Variants in ROBO1 observed in about 807,000 individuals in gnomAD.
ROBO1 encodes roundabout guidance receptor 1.
Under a neutral mutation model 195.9 loss-of-function variants are expected in ROBO1, and 149 were observed. The ratio of observed to expected loss-of-function variants is 0.76; its 90% CI spans 0.67 to 0.87. The LOEUF is 0.87. ROBO1 is among the 40% of genes least tolerant of loss of function. The pLI, the probability that ROBO1 is intolerant of heterozygous loss-of-function variation, is 0.00. For synonymous variants in ROBO1, 816 were observed against 733.2 expected, an observed-to-expected ratio of 1.11 and a Z score of -1.82; for missense variants, 1,933 against 2,068.3, an observed-to-expected ratio of 0.93 and a Z score of 1.27.
chr3:78,819,915 A>G (rs1281258304), intron 4 of ROBO1, among the ~76,000 whole-genome samples: 1 of 152,210 alleles, frequency 6.6e-6, no homozygotes, highest in African/African-American at 2.4e-5. Flanking sequence ...TGAGGGAAAA[A>G]TGACTCCATT....
chr3:78,966,542 C>G (rs998444887), intron 3 of ROBO1, among the ~76,000 whole-genome samples: 2 of 152,170 alleles, frequency 1.3e-5, no homozygotes, highest in African/African-American at 2.4e-5. Context: ...TTCCAAGGCA[C>G]ATTAAAGTTT....
chr3:78,898,480 T>C (rs1012159380), intron 4 of ROBO1, among the ~76,000 whole-genome samples: 3 of 145,462 alleles, frequency 2.1e-5, no homozygotes, highest in African/African-American at 7.6e-5. Flanking sequence ...CTCCGTCTCC[T>C]GGGTTCACGC....
intron 2 of ROBO1, among the ~76,000 whole-genome samples, chr3:79,567,479 C>T (rs566225022): frequency 3.9e-5 from 6 of 152,270 alleles, no homozygotes; most frequent in African/African-American, 9.6e-5. Flanking sequence ...TGTTACTCAA[C>T]AGAAGCTGAA....
intron 1 of ROBO1, among the ~76,000 whole-genome samples, chr3:79,685,263 C>G (rs1367627182): frequency 6.6e-6 from 1 of 152,148 alleles, no homozygotes; most frequent in African/African-American, 2.4e-5. Flanking sequence ...GAAACACTTC[C>G]TGCTTGTGCA....
intron 4 of ROBO1, among the ~76,000 whole-genome samples, chr3:78,843,070 C>T (rs2033381602): frequency 6.6e-6 from 1 of 151,984 alleles, no homozygotes; most frequent in African/African-American, 2.4e-5. Context: ...GTATAACATG[C>T]TACTATTTAT....
chr3:78,762,942 A>G (rs187640379), intron 4 of ROBO1, among the ~76,000 whole-genome samples: 1 of 152,228 alleles, frequency 6.6e-6, no homozygotes, highest in Non-Finnish European at 1.5e-5. Context: ...GATCATAGAC[A>G]TGTTGAAAAA....
chr3:79,117,383 A>AC (rs1014929161), intron 3 of ROBO1, among the ~76,000 whole-genome samples: 4 of 151,866 alleles, frequency 2.6e-5, no homozygotes, highest in African/African-American at 9.7e-5. Context: ...ACAAAAACAA[A>AC]AAAAAAAAGA....
At chr3:79,730,780 T>C (rs918014675) in intron 1 of ROBO1, among the ~76,000 whole-genome samples, 94 of 69,240 alleles carry the variant, frequency 1.4e-3, no homozygotes, top group Non-Finnish European at 2.4e-3. Context: ...TTTTTTTTTT[T>C]TTTTTTTTTT....
At chr3:79,478,401 C>CA (rs1553750150) in intron 2 of ROBO1, among the ~76,000 whole-genome samples, 9 of 148,438 alleles carry the variant, frequency 6.1e-5, no homozygotes, top group Admixed American at 1.3e-4. Context: ...CCCCACCCCC[C>CA]AAAAAAAAGA....
chr3:78,732,780 G>A (rs749954753), intron 5 of ROBO1, among the ~76,000 whole-genome samples: 4 of 152,104 alleles, frequency 2.6e-5, no homozygotes, highest in Non-Finnish European at 5.9e-5. Context: ...TTTCCAGCCA[G>A]TATTATACAG....
intron 2 of ROBO1, among the ~76,000 whole-genome samples, chr3:79,581,276 C>A (rs2107789139): frequency 6.6e-6 from 1 of 152,188 alleles, no homozygotes; most frequent in Non-Finnish European, 1.5e-5. Context: ...AAAAAAATTA[C>A]TTATACCCGT....
intron 1 of ROBO1, among the ~76,000 whole-genome samples, chr3:79,616,549 C>A (rs192513537): frequency 1.2e-3 from 177 of 152,102 alleles, no homozygotes; most frequent in African/African-American, 4.2e-3. Context: ...GTCTCCCTGG[C>A]CAGAGAGCCC....
chr3:78,837,367 G>A (rs1411953174), intron 4 of ROBO1, among the ~76,000 whole-genome samples: 1 of 152,050 alleles, frequency 6.6e-6, no homozygotes, highest in Non-Finnish European at 1.5e-5. Context: ...ACCAAACAAT[G>A]GGGACTTTTG....
At chr3:79,194,194 C>T (rs2081590044) in intron 2 of ROBO1, among the ~76,000 whole-genome samples, 1 of 151,576 alleles carries the variant, frequency 6.6e-6, no homozygotes, top group Non-Finnish European at 1.5e-5. Flanking sequence ...TTATTTATAG[C>T]CTATCAATGT....
At chr3:79,478,707 T>A (rs1431716850) in intron 2 of ROBO1, among the ~76,000 whole-genome samples, 1 of 152,152 alleles carries the variant, frequency 6.6e-6, no homozygotes, top group Non-Finnish European at 1.5e-5. Flanking sequence ...CCTGTCTTTA[T>A]GAAGCCTTCT....
At chr3:79,744,510 G>A (rs966419657) in intron 1 of ROBO1, among the ~76,000 whole-genome samples, 3 of 152,064 alleles carry the variant, frequency 2.0e-5, no homozygotes, top group East Asian at 1.9e-4. Flanking sequence ...TGGGTATAGC[G>A]ACTTCATAAG....
At chr3:79,184,128 A>G (rs551623657) in intron 2 of ROBO1, among the ~76,000 whole-genome samples, 25 of 152,306 alleles carry the variant, frequency 1.6e-4, no homozygotes, top group Admixed American at 1.3e-3. Context: ...GGAAAAAATA[A>G]AAGTAAAAGT....
At chr3:79,745,648 G>C (rs1703842120) in intron 1 of ROBO1, among the ~76,000 whole-genome samples, 1 of 152,050 alleles carries the variant, frequency 6.6e-6, no homozygotes, top group African/African-American at 2.4e-5. Flanking sequence ...TCAGAAAAAA[G>C]TAAAGTGTCA....
chr3:78,718,194 T>C (rs2081949762), intron 5 of ROBO1, among the ~76,000 whole-genome samples: 1 of 152,102 alleles, frequency 6.6e-6, no homozygotes, highest in South Asian at 2.1e-4. Context: ...TGAAAAACCA[T>C]AAAAAATTGC....
Sources: gnomAD v4.1 joint callset for allele counts (sites outside exome capture counted in the v4.1 genomes callset) on GRCh38, gnomAD v4.1.1 for gene constraint, MANE v1.5 for transcripts, NCBI Gene and HGNC (gene_info 2026-07-23, HGNC 2026-07-21) for gene names.